Variants in CDH5 observed in about 807,000 individuals in gnomAD.
CDH5 encodes cadherin-5.
In CDH5, 28 loss-of-function variants were observed where a neutral mutation model predicts 62.0. The observed-to-expected ratio is 0.45, with a 90% CI of 0.33 to 0.62. The LOEUF is 0.62. Ranked by LOEUF, CDH5 falls within the 20% of genes least tolerant of loss-of-function variation. The probability of loss-of-function intolerance (pLI) is 0.02; values close to 1 mark genes in which losing one functional copy is unlikely to be tolerated. For synonymous variants in CDH5, 464 were observed against 445.8 expected, an observed-to-expected ratio of 1.04 and a Z score of -0.52; for missense variants, 940 against 1,065.1, an observed-to-expected ratio of 0.88 and a Z score of 1.63.
rs1446541516 is a variant in CDH5 at position 66,396,126 on chromosome 16, A to C, written c.1285A>C (p.Asn429His). ...FRVTKKGDIY[N>H]EKELDREVYP... ...AGTCACAAAAAAGGGGGACATTTACAATGAGAAAGAACTGGACAGAGAAGT... is the reference window on the plus strand; with the variant it reads ...AGTCACAAAAAAGGGGGACATTTACCATGAGAAAGAACTGGACAGAGAAGT... The change falls in exon 8 of 12, where the codon AAT becomes CAT. Residue 429 changes from asparagine to histidine, a missense_variant. Transcript: ENST00000341529. The C allele has an allele frequency of 5.0e-6, 8 of 1,614,166 alleles. No individual in the cohort carries two copies. Among genetic ancestry groups the C allele is most frequent in the Admixed American group, 1.7e-5 (1 of 60,030 alleles).
intron 1 of CDH5, among the ~76,000 whole-genome samples, chr16:66,379,059 A>G (rs891947282): frequency 5.3e-5 from 8 of 152,208 alleles, no homozygotes; most frequent in African/African-American, 1.7e-4. Flanking sequence ...CCTGAGGCAG[A>G]GGGTGAGGAG....
chr16:66,397,503 G>A lies in CDH5; in HGVS notation c.1361-479G>A, dbSNP rs1961206771. ...TTTCAAAGTATGAAATTACAGGGGT[G>A]AGCCACAGCACCTGGCCTTAAAATT... On this transcript the variant is annotated intron_variant, in intron 8 of 11. Coordinates refer to ENST00000341529, the MANE Select transcript of CDH5 (RefSeq NM_001795.5). Among the ~76,000 whole-genome samples, 5 of 152,182 alleles carry A rather than the reference G, an allele frequency of 3.3e-5. No homozygotes were observed. The South Asian group carries it at 1.0e-3, about 32-fold the overall frequency.
intron 5 of CDH5, 32 bp downstream of exon 5, chr16:66,389,554 G>A (rs772333677): frequency 6.6e-7 from 1 of 1,511,854 alleles, no homozygotes; most frequent in Admixed American, 2.1e-5. Flanking sequence ...CTGGGAAGGG[G>A]GGCTGGGATA....
chr16:66,368,242 C>A (rs1288620253), intron 1 of CDH5, among the ~76,000 whole-genome samples: 1 of 152,134 alleles, frequency 6.6e-6, no homozygotes, highest in Non-Finnish European at 1.5e-5. Flanking sequence ...GGCCAGAAGC[C>A]CTGGTCCATC....
At chr16:66,392,057 G>A in intron 6 of CDH5, 79 bp from the exon 7 acceptor site, 1 of 1,557,306 alleles carries the variant, frequency 6.4e-7, no homozygotes, top group Non-Finnish European at 8.8e-7. Context: ...GTACTACCTT[G>A]CATAGTTGCT....
intron 3 of CDH5, among the ~76,000 whole-genome samples, chr16:66,388,108 C>A (rs1445542205): frequency 6.6e-6 from 1 of 152,160 alleles, no homozygotes; most frequent in East Asian, 1.9e-4. Flanking sequence ...ACCACCTGAT[C>A]TCTTTGACCC....
intron 1 of CDH5, among the ~76,000 whole-genome samples, chr16:66,378,439 G>A (rs1960822605): frequency 6.6e-6 from 1 of 152,132 alleles, no homozygotes; most frequent in Non-Finnish European, 1.5e-5. Context: ...AAGATGATGG[G>A]GAAGATTAAA....
intron 10 of CDH5, 134 bp from the exon 11 acceptor site, chr16:66,400,637 G>A (rs1042016473): frequency 1.4e-5 from 14 of 985,158 alleles, no homozygotes; most frequent in African/African-American, 9.5e-5. Flanking sequence ...AACAAGAGGC[G>A]CTGGGTGCAA....
chr16:66,392,277 A>G lies in CDH5; in HGVS notation c.1111A>G (p.Ile371Val). 6.2e-7 allele frequency: 1 copy of G among 1,613,896 alleles called. No homozygotes were observed. The highest frequency in any genetic ancestry group is 8.5e-7 in the Non-Finnish European group (1 of 1,179,976). Residue 371 changes from isoleucine to valine, a missense_variant, in exon 7 of 12, where the codon ATT becomes GTT. Coordinates refer to ENST00000341529, the MANE Select transcript of CDH5 (RefSeq NM_001795.5). The part of the protein sequence containing the change: ...INITDVDEPP[I>V]FQQPFYHFQL... Reference sequence around the variant, plus strand: ...CATCACAGATGTGGACGAGCCCCCCATTTTCCAGCAGCCTTTCTACCACTT... The same window carrying G: ...CATCACAGATGTGGACGAGCCCCCCGTTTTCCAGCAGCCTTTCTACCACTT...
intron 6 of CDH5, among the ~76,000 whole-genome samples, chr16:66,391,395 C>T (rs193272420): frequency 4.5e-4 from 68 of 152,164 alleles, no homozygotes; most frequent in Admixed American, 1.1e-3. Flanking sequence ...ATCTGATTAC[C>T]TTCTGCTTGG....
In CDH5 at chr16:66,398,090, A is replaced by G. The variant is rs773351389; in HGVS notation, c.1469A>G (p.Asn490Ser). The change falls in exon 9 of 12, where the codon AAC (asparagine) becomes AGC (serine). Residue 490 changes from asparagine to serine, a missense_variant. Transcript: ENST00000341529. The stretch of plus-strand genomic sequence containing the variant: ...CCCTACCAGCCCAAAGTGTGTGAGA[A>G]CGCTGTCCATGGCCAGGTGAGTCTG... ...AKPYQPKVCENAVHGQLVLQI... is the reference protein window; with the variant it reads ...AKPYQPKVCESAVHGQLVLQI... The G allele has an allele frequency of 6.2e-7, 1 of 1,614,234 alleles. No homozygotes were observed. Among genetic ancestry groups the G allele is most frequent in the Non-Finnish European group, 8.5e-7 (1 of 1,180,044 alleles).
At chr16:66,400,482 G>A (rs1241116735) in intron 10 of CDH5, among the ~76,000 whole-genome samples, 1 of 152,230 alleles carries the variant, frequency 6.6e-6, no homozygotes, top group East Asian at 1.9e-4. Flanking sequence ...TAGGGAAGAG[G>A]AAGGGGAGAG....
Position 66,386,580 on chromosome 16 carries a change from G to A in CDH5, c.211-229G>A, listed in dbSNP as rs545810747. On this transcript the variant is annotated intron_variant, in intron 2 of 11. Coordinates refer to ENST00000341529, the MANE Select transcript of CDH5 (RefSeq NM_001795.5). ...TCACTTAGGTTCATTTAGGATTATG[G>A]CCTGCAGCTCTATCCATGTTCCTGC... Among the ~76,000 whole-genome samples, 8 of 152,158 alleles carry A rather than the reference G, an allele frequency of 5.3e-5. No homozygotes were observed. In the South Asian group the frequency reaches 8.3e-4, roughly 16 times the overall value.
At chr16:66,389,664 G>A in intron 5 of CDH5, 142 bp downstream of exon 5, 2 of 648,412 alleles carry the variant, frequency 3.1e-6, no homozygotes, top group Non-Finnish European at 4.9e-6. Flanking sequence ...GAGTCCTTTG[G>A]GTGAAGGGAG....
chr16:66,369,980 TTTTGTTTGTTTGTTTG>T (rs58584593), intron 1 of CDH5, among the ~76,000 whole-genome samples: 1 of 150,280 alleles, frequency 6.7e-6, no homozygotes, highest in African/African-American at 2.5e-5. Flanking sequence ...CTGGAGACTT[TTTTGTTTGTTTGTTTG>T]TTTGTTTGTT....
intron 1 of CDH5, among the ~76,000 whole-genome samples, chr16:66,374,491 T>G (rs1960749360): frequency 6.6e-6 from 1 of 152,180 alleles, no homozygotes; most frequent in Admixed American, 6.5e-5. Flanking sequence ...AAGGGACTTC[T>G]CTCCAGAGCT....
Position 66,379,415 on chromosome 16 carries a change from A to G in CDH5, c.78A>G (p.Ala26=). ...GLLAVAAVAA[A]GANPAQRDTH... is the part of the protein sequence containing the mutation. Reference sequence around the variant, plus strand: ...TGGCAGTGGCAGCAGTGGCAGCAGCAGGTGCTAACCCTGCCCAACGGGACA... The same window carrying G: ...TGGCAGTGGCAGCAGTGGCAGCAGCGGGTGCTAACCCTGCCCAACGGGACA... Residue 26 remains alanine, a synonymous_variant, in exon 2 of 12, where the codon GCA becomes GCG. Coordinates refer to ENST00000341529, the MANE Select transcript of CDH5 (RefSeq NM_001795.5). 2 of 1,614,140 alleles carry G rather than the reference A, an allele frequency of 1.2e-6. No individual in the cohort carries two copies. The highest frequency in any genetic ancestry group is 1.1e-5 in the South Asian group (1 of 91,084).
At chr16:66,391,493 C>A (rs1318928927) in intron 6 of CDH5, among the ~76,000 whole-genome samples, 1 of 152,014 alleles carries the variant, frequency 6.6e-6, no homozygotes, top group Non-Finnish European at 1.5e-5. Context: ...GCATGTCCGG[C>A]CGGGCCCGGT....
intron 9 of CDH5, 100 bp from the exon 10 acceptor site, chr16:66,398,356 C>A: frequency 1.2e-6 from 1 of 867,974 alleles, no homozygotes; most frequent in Non-Finnish European, 1.9e-6. Context: ...TGGGAAACAG[C>A]CATGGTCAGG....
Sources: allele counts gnomAD v4.1 joint callset (sites outside exome capture counted in the v4.1 genomes callset), GRCh38; gene constraint gnomAD v4.1.1; transcripts MANE v1.5; gene names NCBI Gene and HGNC (gene_info 2026-07-23, HGNC 2026-07-21).